OTUD7A: variants seen among roughly 807,000 people sequenced by gnomAD.
OTUD7A encodes OTU deubiquitinase 7A.
A neutral mutation model predicts 65.7 loss-of-function variants in OTUD7A; 12 were observed. That is an observed-to-expected ratio of 0.18 (90% CI 0.12 to 0.30). The LOEUF (loss-of-function observed/expected upper bound fraction) is 0.30. OTUD7A is among the 10% of genes least tolerant of loss of function. The probability of loss-of-function intolerance (pLI) is 1.00; values close to 1 mark genes in which losing one functional copy is unlikely to be tolerated. For synonymous variants in OTUD7A, 641 were observed against 586.3 expected, an observed-to-expected ratio of 1.09 and a Z score of -1.35; for missense variants, 1,148 against 1,304.8, an observed-to-expected ratio of 0.88 and a Z score of 1.85.
At chr15:31,655,331 C>A (rs965091792) in intron 2 of OTUD7A, 81 bp from the exon 3 acceptor site, 9 of 635,872 alleles carry the variant, frequency 1.4e-5, no homozygotes, top group African/African-American at 3.9e-5. Context: ...GAGACCTGAG[C>A]GAGAGAACCC....
chr15:31,630,682 T>C (rs1595670534), intron 3 of OTUD7A, among the ~76,000 whole-genome samples: 1 of 152,198 alleles, frequency 6.6e-6, no homozygotes, highest in Admixed American at 6.5e-5. Flanking sequence ...ACATTGACAG[T>C]GGGGTGTTAA....
At chr15:31,591,458 A>G (rs531895568) in intron 3 of OTUD7A, among the ~76,000 whole-genome samples, 5 of 152,286 alleles carry the variant, frequency 3.3e-5, no homozygotes, top group South Asian at 2.1e-4. Context: ...CCTCCCCAAC[A>G]TGGATGGGCC....
chr15:31,811,560 C>T (rs1019345273), intron 1 of OTUD7A, among the ~76,000 whole-genome samples: 3 of 151,826 alleles, frequency 2.0e-5, no homozygotes, highest in African/African-American at 4.8e-5. Flanking sequence ...TGTGAGTGTG[C>T]GTTTATGGGC....
chr15:31,754,159 T>C lies in OTUD7A; in HGVS notation c.-99-97082A>G, dbSNP rs1263884697. On this transcript the variant is annotated intron_variant, in intron 1 of 12. Coordinates refer to ENST00000307050, the MANE Select transcript of OTUD7A (RefSeq NM_001382637.1). ...TTCATATGATTGTTGGCCATTTGTA[T>C]ATCTTCTTTTGAGAATTGTCTATAC... Among the ~76,000 whole-genome samples, 3 of 152,370 alleles carry C rather than the reference T, an allele frequency of 2.0e-5. No individual in the cohort carries two copies. In the East Asian group the frequency reaches 5.8e-4, roughly 29 times the overall value.
At chr15:31,735,279 T>C (rs1345408841) in intron 1 of OTUD7A, among the ~76,000 whole-genome samples, 1 of 152,074 alleles carries the variant, frequency 6.6e-6, no homozygotes, top group Non-Finnish European at 1.5e-5. Context: ...ATCCTAGCAC[T>C]TGGGGAGGCC....
In OTUD7A at chr15:31,527,325, A is replaced by G. The variant is rs370845723; in HGVS notation, c.653-17T>C. ...CCCACATTCCTGGAGCCAGGAGGCC[A>G]GGGAGAACAGAGGAGAGAAAGGACA... On this transcript the variant is annotated splice_polypyrimidine_tract_variant and intron_variant, in intron 6 of 12. Transcript: ENST00000307050. 2.3e-5 allele frequency: 37 copies of G among 1,613,098 alleles called. No individual in the cohort carries two copies. The African/African-American group carries it at 4.7e-4, about 20-fold the overall frequency.
chr15:31,719,685 A>C (rs1359027324), intron 1 of OTUD7A, among the ~76,000 whole-genome samples: 2 of 152,148 alleles, frequency 1.3e-5, no homozygotes, highest in Non-Finnish European at 2.9e-5. Flanking sequence ...TGATCTTGTT[A>C]AACTGAACTG....
At chr15:31,673,942 T>C (rs1223093678) in intron 1 of OTUD7A, among the ~76,000 whole-genome samples, 4 of 152,184 alleles carry the variant, frequency 2.6e-5, no homozygotes, top group African/African-American at 9.7e-5. Flanking sequence ...AGCTGGAATA[T>C]ACCGGATAAT....
At chr15:31,759,652 G>T (rs1297448540) in intron 1 of OTUD7A, among the ~76,000 whole-genome samples, 1 of 152,144 alleles carries the variant, frequency 6.6e-6, no homozygotes, top group Non-Finnish European at 1.5e-5. Flanking sequence ...TCCTACCTCA[G>T]CCTCCCGAGT....
intron 3 of OTUD7A, 89 bp downstream of exon 3, chr15:31,655,007 T>C (rs186666618): frequency 3.5e-5 from 52 of 1,470,686 alleles, no homozygotes; most frequent in Admixed American, 7.4e-5. Context: ...AGTGCTCAAG[T>C]ACCACTGTCA....
At chr15:31,486,744 T>C (rs2041243374) in intron 12 of OTUD7A, among the ~76,000 whole-genome samples, 1 of 152,218 alleles carries the variant, frequency 6.6e-6, no homozygotes, top group Admixed American at 6.5e-5. Flanking sequence ...TTCCCTGGCT[T>C]TTTTTGAGGA....
At chr15:31,823,104 A>G (rs1371457228) in intron 1 of OTUD7A, among the ~76,000 whole-genome samples, 1 of 152,160 alleles carries the variant, frequency 6.6e-6, no homozygotes, top group African/African-American at 2.4e-5. Context: ...TGTTTCAAAG[A>G]CAAAAAATAC....
intron 1 of OTUD7A, among the ~76,000 whole-genome samples, chr15:31,722,437 C>T (rs373386733): frequency 7.2e-5 from 11 of 152,238 alleles, no homozygotes; most frequent in Admixed American, 1.3e-4. Context: ...GGGTGCCCAC[C>T]GACTCCAAAC....
At chr15:31,797,860 C>T (rs1896013221) in intron 1 of OTUD7A, among the ~76,000 whole-genome samples, 1 of 152,158 alleles carries the variant, frequency 6.6e-6, no homozygotes, top group Admixed American at 6.5e-5. Flanking sequence ...AGTGCTGCCA[C>T]AAAAAATGCC....
chr15:31,644,353 G>A (rs979167055), intron 3 of OTUD7A, among the ~76,000 whole-genome samples: 51 of 152,060 alleles, frequency 3.4e-4, no homozygotes, highest in African/African-American at 1.2e-3. Flanking sequence ...TGGTGTGGCC[G>A]TGTCCTTGAC....
intron 3 of OTUD7A, among the ~76,000 whole-genome samples, chr15:31,641,472 C>A (rs932415295): frequency 6.6e-6 from 1 of 152,154 alleles, no homozygotes; most frequent in Non-Finnish European, 1.5e-5. Context: ...TTAATTTCTA[C>A]ATAAAAAGCT....
intron 1 of OTUD7A, among the ~76,000 whole-genome samples, chr15:31,757,652 C>CA (rs1299634726): frequency 1.3e-5 from 2 of 152,184 alleles, no homozygotes; most frequent in East Asian, 1.9e-4. Flanking sequence ...CCTAAGGAGA[C>CA]AAAATCTCTC....
chr15:31,764,640 A>C (rs2140907191), intron 1 of OTUD7A, among the ~76,000 whole-genome samples: 1 of 152,168 alleles, frequency 6.6e-6, no homozygotes, highest in East Asian at 1.9e-4. Context: ...ACTTATAAAA[A>C]TGTTTATAAA....
intron 3 of OTUD7A, among the ~76,000 whole-genome samples, chr15:31,617,962 T>C (rs940057234): frequency 6.8e-6 from 1 of 146,466 alleles, no homozygotes; most frequent in Non-Finnish European, 1.5e-5. Flanking sequence ...TGGTGTGTGA[T>C]GTTCCCCTTC....
Sources: allele counts gnomAD v4.1 joint callset (sites outside exome capture counted in the v4.1 genomes callset), GRCh38; gene constraint gnomAD v4.1.1; transcripts MANE v1.5; gene names NCBI Gene and HGNC (gene_info 2026-07-23, HGNC 2026-07-21).